Variants in HMGXB3 observed in about 807,000 individuals in gnomAD.
The protein encoded by HMGXB3 is HMG-box containing 3, also known as HMG domain-containing protein 3.
A neutral mutation model predicts 121.5 loss-of-function variants in HMGXB3; 45 were observed. The ratio of observed to expected loss-of-function variants is 0.37; its 90% CI spans 0.29 to 0.47. The LOEUF (loss-of-function observed/expected upper bound fraction) is 0.47, where lower values mean the gene tolerates loss of function less well. HMGXB3 is among the 20% of genes least tolerant of loss of function. HMGXB3 has a pLI of 0.99. For missense variants in HMGXB3, 1,376 were observed against 1,602.2 expected, an observed-to-expected ratio of 0.86 and a Z score of 2.41; for synonymous variants, 590 against 624.1, an observed-to-expected ratio of 0.95 and a Z score of 0.81.
chr5:150,014,583 G>C (rs1217182396), intron 5 of HMGXB3, among the ~76,000 whole-genome samples: 2 of 152,158 alleles, frequency 1.3e-5, no homozygotes, highest in African/African-American at 4.8e-5. Flanking sequence ...TGGAAAGCAA[G>C]TTCTCTTACC....
Position 150,028,559 on chromosome 5 carries a change from ATTTTTT to A in HMGXB3, c.1734+1456_1734+1461del, listed in dbSNP as rs55858256. ...TGTGTGTGTATATATATATATATAT[ATTTTTT>A]TTTTTTTTTTTTTCCTCCAGAAACA... On this transcript the variant is annotated intron_variant, in intron 9 of 19. Coordinates refer to ENST00000502717, the MANE Select transcript of HMGXB3 (RefSeq NM_014983.3). Among the ~76,000 whole-genome samples, 152 of 38,890 alleles carry A rather than the reference ATTTTTT, an allele frequency of 3.9e-3. 4 individuals carry two copies. The highest frequency in any genetic ancestry group is 0.019 in the African/African-American group (149 of 7,966). The allele number at this position is 38,890 out of a possible 152,430, so 25.5% of individuals were successfully genotyped here.
intron 5 of HMGXB3, chr5:150,014,903 G>A: frequency 2.6e-6 from 2 of 762,872 alleles, no homozygotes; most frequent in Non-Finnish European, 4.0e-6. Context: ...TGTTTCTTCA[G>A]CACCTTCGCT....
Position 150,026,746 on chromosome 5 carries a change from A to T in HMGXB3, c.1501A>T (p.Lys501Ter). The T allele has an allele frequency of 6.4e-7, 1 of 1,551,482 alleles. No homozygotes were observed. The highest frequency in any genetic ancestry group is 8.7e-7 in the Non-Finnish European group (1 of 1,146,936). Reference sequence around the variant, plus strand: ...CCCTGGGTCCAGAGCTCCAGAGCTTAAAGGCAGAGCACGGGGCAAGCCCTC... The same window carrying T: ...CCCTGGGTCCAGAGCTCCAGAGCTTTAAGGCAGAGCACGGGGCAAGCCCTC... ...LTPGSRAPEL[K>*]GRARGKPSLL... The change falls in exon 8 of 20, where the codon AAA (lysine) becomes TAA (stop). Residue 501 changes from lysine to a stop codon, truncating the protein, a stop_gained. Transcript: ENST00000502717. LOFTEE classifies it high-confidence loss of function.
chr5:150,052,234 A>G lies in HMGXB3; in HGVS notation c.*42A>G. On this transcript the variant is annotated 3_prime_UTR_variant, in exon 20 of 20. Coordinates refer to ENST00000502717, the MANE Select transcript of HMGXB3 (RefSeq NM_014983.3). ...GGGACTACACCATCTCTCAAGCCAT[A>G]GTAAGGCCCTTGCCTGAGGCAGAGC... 2 of 1,447,166 alleles carry G rather than the reference A, an allele frequency of 1.4e-6. No individual in the cohort carries two copies. The highest frequency in any genetic ancestry group is 2.0e-5 in the Admixed American group (1 of 49,544). The allele number at this position is 1,447,166 out of a possible 1,614,324, so 89.6% of individuals were successfully genotyped here. A position where few individuals can be genotyped will look rare whatever the true frequency, so the allele number is the denominator to read the frequency against.
chr5:150,051,725 A>G lies in HMGXB3; in HGVS notation c.3412A>G (p.Ser1138Gly). ...CFSSPTEPPVSVSCPELLDQH... is the reference protein window; with the variant it reads ...CFSSPTEPPVGVSCPELLDQH... ...AAATGCATTCTCATTTCTCTTCTAG[A>G]GTGTGTCCTGCCCAGAGCTCTTGGA... Residue 1138 changes from serine (S) to glycine (G), a missense_variant and splice_region_variant, in exon 20 of 20, where the codon AGT becomes GGT. Around this residue, in one of 2 missense-constraint regions of HMGXB3, gnomAD observed 260 missense variants for 233.2 expected, o/e 1.11. Transcript: ENST00000502717. The G allele has an allele frequency of 6.6e-7, 1 of 1,517,710 alleles. No individual in the cohort carries two copies. The highest frequency in any genetic ancestry group is 8.8e-7 in the Non-Finnish European group (1 of 1,131,372). The allele number at this position is 1,517,710 out of a possible 1,614,324, so 94.0% of individuals were successfully genotyped here. A position where few individuals can be genotyped will look rare whatever the true frequency, so the allele number is the denominator to read the frequency against.
At chr5:150,026,991 G>A (rs745695101) in intron 8 of HMGXB3, 29 bp from the exon 9 acceptor site, 1 of 1,548,518 alleles carries the variant, frequency 6.5e-7, no homozygotes, top group Non-Finnish European at 8.7e-7. Flanking sequence ...ATGCACTTAA[G>A]TCACCAGTTT....
At chr5:150,013,701 A>C (rs1306321828) in intron 5 of HMGXB3, among the ~76,000 whole-genome samples, 1 of 152,250 alleles carries the variant, frequency 6.6e-6, no homozygotes, top group African/African-American at 2.4e-5. Flanking sequence ...GTATAGGACT[A>C]TTCAGACTGT....
intron 9 of HMGXB3, among the ~76,000 whole-genome samples, chr5:150,028,485 ATATGTATATATATG>A (rs1188921583): frequency 3.2e-5 from 4 of 126,278 alleles, no homozygotes; most frequent in African/African-American, 1.4e-4. Flanking sequence ...TTTGATATAT[ATATGTATATATATG>A]TATGTATGTG....
Position 150,052,784 on chromosome 5 carries a change from C to T in HMGXB3, c.*592C>T, listed in dbSNP as rs1298345984. 6.5e-6 allele frequency: 1 copy of T among 154,008 alleles called. No homozygotes were observed. The highest frequency in any genetic ancestry group is 1.4e-5 in the Non-Finnish European group (1 of 69,394). The allele number at this position is 154,008 out of a possible 1,614,324, so 9.5% of individuals were successfully genotyped here. A position where few individuals can be genotyped will look rare whatever the true frequency, so the allele number is the denominator to read the frequency against. On this transcript the variant is annotated 3_prime_UTR_variant, in exon 20 of 20. Transcript: ENST00000502717. ...AGCTGAGGAGGGAGGAACAGTCAGC[C>T]ACAGCTCTCTTCCAGCACTGTCCTC...
At chr5:150,049,537 CTG>C (rs901095624) in intron 18 of HMGXB3, among the ~76,000 whole-genome samples, 44 of 152,312 alleles carry the variant, frequency 2.9e-4, no homozygotes, top group African/African-American at 1.0e-3. Context: ...TTAACAGAAG[CTG>C]TGTCTGAAGG....
Position 150,009,991 on chromosome 5 carries a change from C to T in HMGXB3, c.313-120C>T. 3 of 1,097,256 alleles carry T rather than the reference C, an allele frequency of 2.7e-6. No individual in the cohort carries two copies. The African/African-American group carries it at 4.8e-5, about 17-fold the overall frequency. The allele number at this position is 1,097,256 out of a possible 1,614,324, so 68.0% of individuals were successfully genotyped here. A position where few individuals can be genotyped will look rare whatever the true frequency, so the allele number is the denominator to read the frequency against. On this transcript the variant is annotated intron_variant, in intron 3 of 19. Transcript: ENST00000502717. ...ATTAGGTCAAGAGAGTAGAGTTTTT[C>T]CAGTCCCTTTTGCAGGAAAAAAAAA...
intron 10 of HMGXB3, among the ~76,000 whole-genome samples, chr5:150,031,041 T>C (rs1173509860): frequency 6.6e-6 from 1 of 152,200 alleles, no homozygotes; most frequent in Non-Finnish European, 1.5e-5. Context: ...TTGGTCTCTT[T>C]CCAGGTGAGA....
chr5:150,026,985 A>G, intron 8 of HMGXB3, 35 bp from the exon 9 acceptor site: 1 of 1,547,520 alleles, frequency 6.5e-7, no homozygotes, highest in Non-Finnish European at 8.7e-7. Flanking sequence ...CTCTGAATGC[A>G]CTTAAGTCAC....
rs776364014 is a variant in HMGXB3, at chr5:150,008,372, C to T, written c.312+1725C>T. Among the ~76,000 whole-genome samples the T allele has an allele frequency of 1.6e-4, 25 of 152,068 alleles. 1 individual carries two copies. Among genetic ancestry groups the T allele is most frequent in the Non-Finnish European group, 3.2e-4 (22 of 68,016 alleles). On this transcript the variant is annotated intron_variant, in intron 3 of 19. Transcript: ENST00000502717. ...ATCTGTAAAATGGCAGTAGTCTCTT[C>T]TCATAATGTTTAAAATAGGTAATGT...
intron 13 of HMGXB3, 73 bp downstream of exon 13, chr5:150,037,600 C>A: frequency 7.6e-7 from 1 of 1,317,186 alleles, no homozygotes; most frequent in Non-Finnish European, 9.9e-7. Context: ...GATGAGACCT[C>A]TGGCCCTTTG....
At chr5:150,018,089 A>G (rs1261316116) in intron 5 of HMGXB3, among the ~76,000 whole-genome samples, 1 of 152,208 alleles carries the variant, frequency 6.6e-6, no homozygotes, top group Non-Finnish European at 1.5e-5. Flanking sequence ...TCTTTGAAGT[A>G]TTTAGAGCCA....
chr5:150,035,834 T>A (rs1756490751), intron 11 of HMGXB3, among the ~76,000 whole-genome samples: 1 of 152,188 alleles, frequency 6.6e-6, no homozygotes, highest in Non-Finnish European at 1.5e-5. Flanking sequence ...CTGACTGGTA[T>A]ACAAAATTAC....
chr5:150,010,900 G>A (rs1241609508), intron 4 of HMGXB3, among the ~76,000 whole-genome samples: 4 of 152,190 alleles, frequency 2.6e-5, no homozygotes, highest in Non-Finnish European at 4.4e-5. Context: ...AATTATCCAC[G>A]AGTCAAAGCT....
chr5:150,012,934 A>G (rs962145333), intron 5 of HMGXB3, among the ~76,000 whole-genome samples: 3 of 152,212 alleles, frequency 2.0e-5, no homozygotes, highest in South Asian at 2.1e-4. Context: ...ATTGCTTTGT[A>G]TATTGGGCTT....
Sources: gnomAD v4.1 joint callset for allele counts (sites outside exome capture counted in the v4.1 genomes callset) on GRCh38, gnomAD v4.1.1 for gene constraint, gnomAD v4.1.1 regional missense constraint, MANE v1.5 for transcripts, NCBI Gene and HGNC (gene_info 2026-07-23, HGNC 2026-07-21) for gene names.